POU6F2: variants seen among roughly 807,000 people sequenced by gnomAD.
The protein encoded by POU6F2 is POU domain, class 6, transcription factor 2.
A neutral mutation model predicts 71.3 loss-of-function variants in POU6F2; 31 were observed. That is an observed-to-expected ratio of 0.43 (90% CI 0.33 to 0.59). The LOEUF (loss-of-function observed/expected upper bound fraction) is 0.59, where lower values mean the gene tolerates loss of function less well. Ranked by LOEUF, POU6F2 falls within the 20% of genes least tolerant of loss-of-function variation. The probability of loss-of-function intolerance (pLI) is 0.04; values close to 1 mark genes in which losing one functional copy is unlikely to be tolerated. For missense variants in POU6F2, 783 were observed against 856.8 expected, an observed-to-expected ratio of 0.91 and a Z score of 1.07; for synonymous variants, 347 against 355.7, an observed-to-expected ratio of 0.98 and a Z score of 0.27.
intron 1 of POU6F2, chr7:39,002,003 A>T (rs963254066): frequency 1.3e-5 from 2 of 152,226 alleles, no homozygotes; most frequent in Non-Finnish European, 2.9e-5. Context: ...AATGGGGTTT[A>T]AAACTAACCT....
At chr7:39,369,571 C>T (rs1786568116) in intron 5 of POU6F2, among the ~76,000 whole-genome samples, 2 of 152,018 alleles carry the variant, frequency 1.3e-5, no homozygotes, top group African/African-American at 4.8e-5. Flanking sequence ...ACCATGTTGG[C>T]CGGGCTGGTC....
chr7:39,303,220 T>C (rs1784984613), intron 4 of POU6F2, among the ~76,000 whole-genome samples: 1 of 152,184 alleles, frequency 6.6e-6, no homozygotes, highest in African/African-American at 2.4e-5. Context: ...GCGGTAGCAC[T>C]CACTGCAAGC....
At chr7:39,253,325 G>T (rs370695058) in intron 4 of POU6F2, among the ~76,000 whole-genome samples, 1 of 152,236 alleles carries the variant, frequency 6.6e-6, no homozygotes, top group African/African-American at 2.4e-5. Flanking sequence ...GCTCACAGAG[G>T]CAAGAAGCAG....
At chr7:39,226,504 C>T (rs1344021489) in intron 4 of POU6F2, among the ~76,000 whole-genome samples, 1 of 152,206 alleles carries the variant, frequency 6.6e-6, no homozygotes, top group Non-Finnish European at 1.5e-5. Context: ...ACAGAAGCTT[C>T]TCCTTAGTTC....
chr7:39,311,077 G>A (rs967222952), intron 4 of POU6F2, among the ~76,000 whole-genome samples: 5 of 151,994 alleles, frequency 3.3e-5, no homozygotes, highest in Admixed American at 1.3e-4. Flanking sequence ...CAATATTTCC[G>A]GAGAGCAGGG....
chr7:39,151,264 A>G (rs1304605399), intron 2 of POU6F2, among the ~76,000 whole-genome samples: 1 of 152,218 alleles, frequency 6.6e-6, no homozygotes, highest in East Asian at 1.9e-4. Flanking sequence ...CATTTTACAA[A>G]GCCAAAGTAA....
chr7:39,232,800 T>A (rs1378320249), intron 4 of POU6F2, among the ~76,000 whole-genome samples: 3 of 152,196 alleles, frequency 2.0e-5, no homozygotes, highest in Non-Finnish European at 4.4e-5. Flanking sequence ...CCTGAACTAA[T>A]GCACATGCTA....
chr7:39,038,030 A>G (rs1384425117), intron 1 of POU6F2, among the ~76,000 whole-genome samples: 5 of 152,084 alleles, frequency 3.3e-5, no homozygotes, highest in Non-Finnish European at 2.9e-5. Flanking sequence ...TAATCTACTC[A>G]AGGGACCAGT....
At chr7:39,097,196 A>G (rs1525801) in intron 2 of POU6F2, among the ~76,000 whole-genome samples, 2,742 of 152,040 alleles carry the variant, frequency 0.018, 74 homozygotes, top group African/African-American at 0.063. Flanking sequence ...TAAAAGGGTT[A>G]TTATTATTAT....
At chr7:39,170,196 A>G (rs1353164667) in intron 2 of POU6F2, among the ~76,000 whole-genome samples, 1 of 152,120 alleles carries the variant, frequency 6.6e-6, no homozygotes, top group East Asian at 1.9e-4. Flanking sequence ...AAAAAATTGT[A>G]TTCGTTGTTT....
intron 2 of POU6F2, among the ~76,000 whole-genome samples, chr7:39,197,195 T>A (rs749801082): frequency 2.0e-4 from 31 of 152,182 alleles, no homozygotes; most frequent in Non-Finnish European, 3.2e-4. Context: ...GAAGCCTCAG[T>A]GTGGCTGTCA....
At chr7:39,201,127 A>G (rs1793893023) in intron 2 of POU6F2, among the ~76,000 whole-genome samples, 3 of 152,354 alleles carry the variant, frequency 2.0e-5, no homozygotes, top group Admixed American at 2.0e-4. Context: ...AAAGTTACAT[A>G]CATATTAGTT....
At chr7:39,062,594 C>T (rs924041969) in intron 1 of POU6F2, among the ~76,000 whole-genome samples, 1 of 149,940 alleles carries the variant, frequency 6.7e-6, no homozygotes, top group African/African-American at 2.5e-5. Context: ...AGTGATTGTA[C>T]TTTGTCATGT....
At chr7:39,322,788 C>T (rs1216560071) in intron 4 of POU6F2, among the ~76,000 whole-genome samples, 2 of 152,182 alleles carry the variant, frequency 1.3e-5, no homozygotes, top group Non-Finnish European at 2.9e-5. Context: ...GAAAGGAACA[C>T]AAGAATTTGA....
rs141309838 is a variant in POU6F2 at position 39,075,218 on chromosome 7, T to C, written c.106-10642T>C. 4.3e-3 allele frequency among the ~76,000 whole-genome samples: 649 copies of C among 152,248 alleles called. 3 individuals are homozygous for C. Among genetic ancestry groups the C allele is most frequent in the African/African-American group, 0.015 (618 of 41,544 alleles). Reference sequence around the variant, plus strand: ...TAGCAATTTTACCATCATTATAATGTGAACAACACATTCCCTGGTGTTGAA... The same window carrying C: ...TAGCAATTTTACCATCATTATAATGCGAACAACACATTCCCTGGTGTTGAA... On this transcript the variant is annotated intron_variant, in intron 1 of 9. Transcript: ENST00000518318.
At chr7:39,111,715 C>T (rs1278126691) in intron 2 of POU6F2, among the ~76,000 whole-genome samples, 1 of 152,098 alleles carries the variant, frequency 6.6e-6, no homozygotes, top group Non-Finnish European at 1.5e-5. Flanking sequence ...AACTATAGTA[C>T]ATTCAGATGA....
At chr7:39,325,708 A>G (rs1373528565) in intron 4 of POU6F2, among the ~76,000 whole-genome samples, 2 of 152,184 alleles carry the variant, frequency 1.3e-5, no homozygotes, top group Non-Finnish European at 1.5e-5. Context: ...CCATGTGTCT[A>G]TAGTCTAAAA....
intron 8 of POU6F2, among the ~76,000 whole-genome samples, chr7:39,451,940 G>T (rs539467978): frequency 1.3e-5 from 2 of 152,300 alleles, no homozygotes; most frequent in Non-Finnish European, 2.9e-5. Flanking sequence ...ATCAAGGACC[G>T]GGTTCCATCT....
chr7:39,169,718 C>T (rs1207464223), intron 2 of POU6F2, among the ~76,000 whole-genome samples: 1 of 151,940 alleles, frequency 6.6e-6, no homozygotes. Context: ...GAACAATGTC[C>T]AGGATGGTAC....
Sources: allele counts gnomAD v4.1 joint callset (sites outside exome capture counted in the v4.1 genomes callset), GRCh38; gene constraint gnomAD v4.1.1; transcripts MANE v1.5; gene names NCBI Gene and HGNC (gene_info 2026-07-23, HGNC 2026-07-21).